The following LDLRAD4 variants were observed in gnomAD, a reference collection of about 807,000 sequenced individuals.
The protein encoded by LDLRAD4 is low density lipoprotein receptor class A domain containing 4, also known as low-density lipoprotein receptor class A domain-containing protein 4.
Under a neutral mutation model 17.0 loss-of-function variants are expected in LDLRAD4, and 5 were observed. The ratio of observed to expected loss-of-function variants is 0.29; its 90% CI spans 0.15 to 0.62. LDLRAD4 has a LOEUF of 0.62. Ranked by LOEUF, LDLRAD4 falls within the 20% of genes least tolerant of loss-of-function variation. The probability of loss-of-function intolerance (pLI) is 0.84; values close to 1 mark genes in which losing one functional copy is unlikely to be tolerated. For missense variants in LDLRAD4, 340 were observed against 424.7 expected, an observed-to-expected ratio of 0.80 and a Z score of 1.75; for synonymous variants, 168 against 171.8, an observed-to-expected ratio of 0.98 and a Z score of 0.17.
chr18:13,600,910 T>G (rs1261052455), intron 3 of LDLRAD4, among the ~76,000 whole-genome samples: 2 of 152,218 alleles, frequency 1.3e-5, no homozygotes, highest in African/African-American at 4.8e-5. Flanking sequence ...CTGTATTTGC[T>G]TTCCTGCTGT....
At chr18:13,271,707 G>A (rs2044555926) in intron 1 of LDLRAD4, among the ~76,000 whole-genome samples, 1 of 152,104 alleles carries the variant, frequency 6.6e-6, no homozygotes, top group African/African-American at 2.4e-5. Context: ...GCAGGAGGTG[G>A]GGCCTCTGAA....
chr18:13,588,835 C>G (rs948847398), intron 3 of LDLRAD4, among the ~76,000 whole-genome samples: 2 of 152,118 alleles, frequency 1.3e-5, no homozygotes, highest in South Asian at 2.1e-4. Flanking sequence ...ATTTACATTT[C>G]ATGATGCACC....
In LDLRAD4 at chr18:13,605,538, G is replaced by A. The variant is rs565447157; in HGVS notation, c.182-15579G>A. 1.1e-4 allele frequency among the ~76,000 whole-genome samples: 16 copies of A among 152,250 alleles called. No homozygotes were observed. The South Asian group carries it at 3.3e-3, about 32-fold the overall frequency. ...CAGCCCAGGGTCTCTGTTAACATAA[G>A]CCAGCTAGCTTTGCCATTCTTGGGG... On this transcript the variant is annotated intron_variant, in intron 3 of 5. Transcript: ENST00000359446.
chr18:13,412,354 A>G (rs2088453886), intron 2 of LDLRAD4, among the ~76,000 whole-genome samples: 2 of 152,128 alleles, frequency 1.3e-5, no homozygotes, highest in South Asian at 4.1e-4. Flanking sequence ...AAGTATCCTT[A>G]TCTTTCTTTT....
chr18:13,537,721 T>C (rs528136319), intron 3 of LDLRAD4, among the ~76,000 whole-genome samples: 1 of 152,240 alleles, frequency 6.6e-6, no homozygotes, highest in South Asian at 2.1e-4. Context: ...AATACATTGT[T>C]ATGAGGCACA....
chr18:13,232,162 G>A (rs1004539749), intron 1 of LDLRAD4, among the ~76,000 whole-genome samples: 2 of 152,218 alleles, frequency 1.3e-5, no homozygotes, highest in Non-Finnish European at 2.9e-5. Context: ...GCAGGCTGGG[G>A]CCACCGCAGG....
In LDLRAD4 at chr18:13,304,467, C is replaced by T. The variant is rs558704550; in HGVS notation, c.-383+26279C>T. 3.5e-4 allele frequency among the ~76,000 whole-genome samples: 53 copies of T among 152,230 alleles called. No homozygotes were observed. In the South Asian group the frequency reaches 0.011, roughly 31 times the overall value. On this transcript the variant is annotated intron_variant, in intron 1 of 5. Transcript: ENST00000359446. ...GGGCCTGGCTTGGTCAGAATGGTCT[C>T]GTGCAGCAGGGATGACTTCAGGGAG...
chr18:13,457,672 G>A (rs537699410), intron 3 of LDLRAD4, among the ~76,000 whole-genome samples: 11 of 152,170 alleles, frequency 7.2e-5, no homozygotes, highest in Non-Finnish European at 7.3e-5. Flanking sequence ...TGCCGTGGAG[G>A]AAAGCCTGTA....
chr18:13,548,572 G>T (rs903175372), intron 3 of LDLRAD4, among the ~76,000 whole-genome samples: 6 of 152,262 alleles, frequency 3.9e-5, no homozygotes, highest in African/African-American at 1.4e-4. Context: ...TTCAAAATTG[G>T]AGTGGGTGCT....
chr18:13,501,831 CAG>C (rs751125186), intron 3 of LDLRAD4, among the ~76,000 whole-genome samples: 125 of 152,288 alleles, frequency 8.2e-4, no homozygotes, highest in Non-Finnish European at 1.5e-3. Flanking sequence ...TCTGTAATAA[CAG>C]AGCTTTCATT....
intron 3 of LDLRAD4, among the ~76,000 whole-genome samples, chr18:13,481,429 G>A (rs2093080384): frequency 6.6e-6 from 1 of 152,186 alleles, no homozygotes; most frequent in African/African-American, 2.4e-5. Flanking sequence ...GACGCTGACT[G>A]TGGCTTGACG....
At chr18:13,493,333 G>C (rs1015034778) in intron 3 of LDLRAD4, among the ~76,000 whole-genome samples, 1 of 152,012 alleles carries the variant, frequency 6.6e-6, no homozygotes. Flanking sequence ...CTATTTTTTT[G>C]CATGACAGTT....
rs184685696 is a variant in LDLRAD4 at position 13,343,004 on chromosome 18, T to C, written c.-382-44337T>C. ...TTTTGATTCCCTTCTCATGTACTTT[T>C]GTGTATAGTCTGTAGATTTTTTTTT... On this transcript the variant is annotated intron_variant, in intron 1 of 5. Coordinates refer to ENST00000359446, the Ensembl canonical transcript of LDLRAD4. Among the ~76,000 whole-genome samples the C allele has an allele frequency of 4.5e-3, 688 of 152,286 alleles. 4 individuals carry two copies. The highest frequency in any genetic ancestry group is 6.8e-3 in the Middle Eastern group (2 of 294).
chr18:13,621,372 A>G lies in LDLRAD4; in HGVS notation c.336+101A>G, dbSNP rs2040614230. The G allele has an allele frequency of 1.1e-6, 1 of 885,052 alleles. No homozygotes were observed. Among genetic ancestry groups the G allele is most frequent in the Non-Finnish European group, 1.8e-6 (1 of 556,986 alleles). The allele number at this position is 885,052 out of a possible 1,614,324, so 54.8% of individuals were successfully genotyped here. A position where few individuals can be genotyped will look rare whatever the true frequency, so the allele number is the denominator to read the frequency against. ...CGGGAGTGCTTTCAGTTGACATGTAACAAACGGGGCGAAGCGCACCTCGTA... is the reference window on the plus strand; with the variant it reads ...CGGGAGTGCTTTCAGTTGACATGTAGCAAACGGGGCGAAGCGCACCTCGTA... On this transcript the variant is annotated intron_variant, in intron 4 of 5. Coordinates refer to ENST00000359446, the Ensembl canonical transcript of LDLRAD4. The surrounding 1 kb of genome is among the most constrained non-coding windows in gnomAD (Gnocchi z 5.5).
intron 1 of LDLRAD4, among the ~76,000 whole-genome samples, chr18:13,284,069 T>C (rs60800006): frequency 0.01 from 1,559 of 152,248 alleles, 28 homozygotes; most frequent in African/African-American, 0.036. Context: ...TTCTGGGAGA[T>C]ACAATTCAAG....
chr18:13,522,245 T>TAAATA (rs1332821256), intron 3 of LDLRAD4: 1 of 152,156 alleles, frequency 6.6e-6, no homozygotes. Context: ...GTAGCCTTGC[T>TAAATA]GTTTTCTAGA....
intron 3 of LDLRAD4, among the ~76,000 whole-genome samples, chr18:13,540,867 G>A (rs1000484585): frequency 9.9e-5 from 15 of 152,136 alleles, no homozygotes; most frequent in Non-Finnish European, 1.6e-4. Context: ...TCTCACTTCT[G>A]GGCTTGCTGG....
In LDLRAD4 at chr18:13,551,292, CAG is replaced by C. The variant is rs113072778; in HGVS notation, c.182-69824_182-69823del. Among the ~76,000 whole-genome samples the C allele has an allele frequency of 4.6e-3, 706 of 152,300 alleles. 3 individuals carry two copies. The highest frequency in any genetic ancestry group is 0.016 in the African/African-American group (656 of 41,566). The stretch of plus-strand genomic sequence containing the variant: ...GGGACAGCTGTGCTGACCTTCCTAT[CAG>C]GGCCACCTTGTAGAGACATCTTGAT... On this transcript the variant is annotated intron_variant, in intron 3 of 5. Transcript: ENST00000359446.
intron 3 of LDLRAD4, among the ~76,000 whole-genome samples, chr18:13,510,271 G>A (rs1250601986): frequency 6.6e-6 from 1 of 152,166 alleles, no homozygotes; most frequent in Non-Finnish European, 1.5e-5. Flanking sequence ...GAGGTAATAT[G>A]TTTTTGTGGG....
Sources: allele counts gnomAD v4.1 joint callset (sites outside exome capture counted in the v4.1 genomes callset), GRCh38; gene constraint gnomAD v4.1.1; non-coding constraint Gnocchi (gnomAD v3.1); transcripts MANE v1.5; gene names NCBI Gene and HGNC (gene_info 2026-07-23, HGNC 2026-07-21).